Variants in COBL observed in about 807,000 individuals in gnomAD.
COBL encodes the protein protein cordon-bleu.
COBL carries 51 observed loss-of-function variants against 98.8 expected under a neutral mutation model. The observed-to-expected ratio is 0.52, with a 90% CI of 0.41 to 0.65. COBL has a LOEUF of 0.65. COBL is among the 30% of genes least tolerant of loss of function. The pLI is 0.00. For synonymous variants in COBL, 634 were observed against 651.7 expected (o/e 0.97, Z 0.41); for missense variants, 1,617 against 1,617.5 (o/e 1.00, Z 0.01).
chr7:51,228,001 AG>A (rs1794366405), intron 1 of COBL, among the ~76,000 whole-genome samples: 2 of 152,214 alleles, frequency 1.3e-5, no homozygotes, highest in African/African-American at 4.8e-5. Flanking sequence ...TGGAGCAATA[AG>A]CCAGGGAGAA....
chr7:51,295,932 C>G (rs1801384596), intron 1 of COBL, among the ~76,000 whole-genome samples: 1 of 152,196 alleles, frequency 6.6e-6, no homozygotes, highest in Non-Finnish European at 1.5e-5. Context: ...TACAGCTTGT[C>G]TGGCCTGGCT....
At chr7:51,095,739 CATAATT>C (rs1562904958) in intron 6 of COBL, among the ~76,000 whole-genome samples, 1 of 151,968 alleles carries the variant, frequency 6.6e-6, no homozygotes, top group East Asian at 1.9e-4. Flanking sequence ...TGAATATGGC[CATAATT>C]ACATCAAATA....
Position 51,188,204 on chromosome 7 carries a change from G to A in COBL, c.685+2646C>T, listed in dbSNP as rs549054797. 1.5e-4 allele frequency among the ~76,000 whole-genome samples: 23 copies of A among 152,348 alleles called. No individual in the cohort carries two copies. The East Asian group carries it at 2.5e-3, about 17-fold the overall frequency. On this transcript the variant is annotated intron_variant, in intron 4 of 12. Transcript: ENST00000265136. Reference sequence around the variant, plus strand: ...TTGGCTTTATCAAGATGCTCCCACCGGGGATTCCAGGGGAGGGCAGGCCTC... The same window carrying A: ...TTGGCTTTATCAAGATGCTCCCACCAGGGATTCCAGGGGAGGGCAGGCCTC...
At chr7:51,199,072 A>G (rs1790866243) in intron 2 of COBL, among the ~76,000 whole-genome samples, 1 of 152,184 alleles carries the variant, frequency 6.6e-6, no homozygotes, top group Admixed American at 6.5e-5. Flanking sequence ...GAGAGGGGCC[A>G]TACCCAACCT....
intron 1 of COBL, among the ~76,000 whole-genome samples, chr7:51,282,879 C>T (rs982561727): frequency 2.0e-5 from 3 of 151,422 alleles, no homozygotes; most frequent in East Asian, 3.9e-4. Context: ...GAAATTAGAC[C>T]GGAAATCAGT....
At chr7:51,285,510 A>T (rs1800277091) in intron 1 of COBL, among the ~76,000 whole-genome samples, 1 of 152,336 alleles carries the variant, frequency 6.6e-6, no homozygotes, top group Non-Finnish European at 1.5e-5. Flanking sequence ...TTAAAATTTT[A>T]AAATGCCATT....
intron 2 of COBL, among the ~76,000 whole-genome samples, chr7:51,213,542 G>A (rs867024127): frequency 1.4e-4 from 21 of 152,106 alleles, no homozygotes; most frequent in Admixed American, 1.0e-3. Flanking sequence ...TCGTGCTGAC[G>A]GGGCCCTACA....
intron 8 of COBL, among the ~76,000 whole-genome samples, chr7:51,039,917 T>A (rs932804975): frequency 2.0e-5 from 3 of 152,168 alleles, no homozygotes; most frequent in African/African-American, 7.2e-5. Flanking sequence ...ACCCACAGGG[T>A]GACAGTTGGA....
At chr7:51,231,600 G>A (rs1333740987) in intron 1 of COBL, among the ~76,000 whole-genome samples, 1 of 152,204 alleles carries the variant, frequency 6.6e-6, no homozygotes, top group Non-Finnish European at 1.5e-5. Context: ...AGGGTGGCTG[G>A]CCAGGGCTGT....
intron 6 of COBL, among the ~76,000 whole-genome samples, chr7:51,086,029 C>T (rs1328788735): frequency 6.6e-6 from 1 of 152,172 alleles, no homozygotes; most frequent in East Asian, 1.9e-4. Context: ...AATGTGAAAT[C>T]TGTTTTGTCT....
rs375659485 is a variant in COBL at position 51,241,054 on chromosome 7, T to C, written c.42-21110A>G. Among the ~76,000 whole-genome samples the C allele has an allele frequency of 1.2e-3, 183 of 152,282 alleles. 7 individuals are homozygous for C. In the South Asian group the frequency reaches 0.037, roughly 31 times the overall value. ...AGGCAGAGCTGTATCTGATCCAGCC[T>C]TTCCCTGCCCCAGAATAGGACCTGG... On this transcript the variant is annotated intron_variant, in intron 1 of 12. Transcript: ENST00000265136.
chr7:51,154,850 A>T (rs549978060), intron 5 of COBL, among the ~76,000 whole-genome samples: 1 of 152,354 alleles, frequency 6.6e-6, no homozygotes, highest in African/African-American at 2.4e-5. Context: ...TTTTGCTTAC[A>T]CTACTGGAGA....
intron 5 of COBL, among the ~76,000 whole-genome samples, chr7:51,160,550 C>T (rs1333876106): frequency 6.6e-6 from 1 of 152,222 alleles, no homozygotes; most frequent in Non-Finnish European, 1.5e-5. Context: ...GCCGAGCCAA[C>T]CTTCATCGAG....
chr7:51,208,683 A>G (rs1792076452), intron 2 of COBL, among the ~76,000 whole-genome samples: 4 of 152,296 alleles, frequency 2.6e-5, no homozygotes, highest in Non-Finnish European at 5.9e-5. Context: ...AGAAAGAAGT[A>G]GACATGGGAG....
intron 1 of COBL, among the ~76,000 whole-genome samples, chr7:51,261,094 A>G (rs1047060302): frequency 6.6e-6 from 1 of 152,156 alleles, no homozygotes; most frequent in Non-Finnish European, 1.5e-5. Flanking sequence ...CGCCAAGCTC[A>G]GCCCCACCGC....
At chr7:51,139,419 A>C (rs1418463877) in intron 5 of COBL, among the ~76,000 whole-genome samples, 2 of 152,202 alleles carry the variant, frequency 1.3e-5, no homozygotes, top group Non-Finnish European at 2.9e-5. Context: ...TTATCTTCAG[A>C]CAATGGGCTC....
intron 1 of COBL, among the ~76,000 whole-genome samples, chr7:51,288,558 G>GC (rs1294390041): frequency 6.6e-6 from 1 of 152,016 alleles, no homozygotes; most frequent in Non-Finnish European, 1.5e-5. Flanking sequence ...TTCGAGACCA[G>GC]CCTGGCCAAC....
chr7:51,191,542 G>GATAT (rs139645519), intron 3 of COBL, among the ~76,000 whole-genome samples: 21 of 148,472 alleles, frequency 1.4e-4, no homozygotes, highest in African/African-American at 5.2e-4. Context: ...TATGTACATA[G>GATAT]ATATATATAT....
chr7:51,023,844 T>C (rs1787190586), intron 12 of COBL, among the ~76,000 whole-genome samples: 1 of 152,222 alleles, frequency 6.6e-6, no homozygotes, highest in Non-Finnish European at 1.5e-5. Context: ...GGATGAGCAC[T>C]TCTTGTGCCC....
Sources: allele counts gnomAD v4.1 joint callset (sites outside exome capture counted in the v4.1 genomes callset), GRCh38; gene constraint gnomAD v4.1.1; transcripts MANE v1.5; gene names NCBI Gene and HGNC (gene_info 2026-07-23, HGNC 2026-07-21).